The following EIF4G3 variants were observed in gnomAD, a reference collection of about 807,000 sequenced individuals.
The protein encoded by EIF4G3 is eIF-4-gamma 3.
EIF4G3 carries 34 observed loss-of-function variants against 186.4 expected under a neutral mutation model. The ratio of observed to expected loss-of-function variants is 0.18; its 90% CI spans 0.14 to 0.24. EIF4G3 has a LOEUF of 0.24. Among genes scored for constraint, EIF4G3 ranks in the 10% least tolerant of loss-of-function variants. EIF4G3 has a pLI of 1.00. For synonymous variants in EIF4G3, 673 were observed against 679.5 expected (o/e 0.99, Z 0.15); for missense variants, 1,536 against 1,948.5 (o/e 0.79, Z 3.99).
At chr1:21,047,051 T>G (rs549380724) in intron 4 of EIF4G3, among the ~76,000 whole-genome samples, 2 of 152,174 alleles carry the variant, frequency 1.3e-5, no homozygotes, top group South Asian at 4.1e-4. Context: ...TCCCCCTATA[T>G]GACAGATGAA....
rs1332021252 is a variant in EIF4G3 at position 20,892,794 on chromosome 1, G to C, written c.2253+723C>G. On this transcript the variant is annotated intron_variant, in intron 18 of 36. Coordinates refer to ENST00000602326, the MANE Select transcript of EIF4G3 (RefSeq NM_001391906.1). ...GTCATCAGAGATCTCCAGTATTTTAGGACACCTCAAAACAAAACAGGAATC... is the reference window on the plus strand; with the variant it reads ...GTCATCAGAGATCTCCAGTATTTTACGACACCTCAAAACAAAACAGGAATC... 4.4e-6 allele frequency: 5 copies of C among 1,124,388 alleles called. No individual in the cohort carries two copies. The South Asian group carries it at 5.7e-5, about 13-fold the overall frequency. 69.7% of individuals were successfully genotyped at this position (1,124,388 alleles called of 1,614,324 possible). A position where few individuals can be genotyped will look rare whatever the true frequency, so the allele number is the denominator to read the frequency against.
Position 20,951,752 on chromosome 1 carries a change from A to AGGG in EIF4G3, c.715-1644_715-1642dup, listed in dbSNP as rs3835564. 2.0e-4 allele frequency among the ~76,000 whole-genome samples: 30 copies of AGGG among 150,776 alleles called. 1 individual carries two copies. Among genetic ancestry groups the AGGG allele is most frequent in the Non-Finnish European group, 3.4e-4 (23 of 67,696 alleles). On this transcript the variant is annotated intron_variant, in intron 12 of 36. Transcript: ENST00000602326. ...CTGGGAAATTAATAACCAAATAAAA[A>AGGG]GGGGGGGGCAGGGTAAGTGCTAAAA...
intron 12 of EIF4G3, among the ~76,000 whole-genome samples, chr1:20,954,876 G>A (rs1304011860): frequency 6.6e-6 from 1 of 152,204 alleles, no homozygotes; most frequent in Non-Finnish European, 1.5e-5. Flanking sequence ...CTGGGGTTCT[G>A]ACTTTGTGAC....
At chr1:20,900,492 A>G (rs2089910449) in intron 15 of EIF4G3, among the ~76,000 whole-genome samples, 2 of 148,828 alleles carry the variant, frequency 1.3e-5, no homozygotes, top group East Asian at 1.9e-4. Flanking sequence ...GGCTGTGACC[A>G]TATAGAAAAA....
intron 10 of EIF4G3, among the ~76,000 whole-genome samples, chr1:20,974,946 C>T (rs1194306127): frequency 6.6e-6 from 1 of 152,140 alleles, no homozygotes; most frequent in East Asian, 1.9e-4. Context: ...AGCAAACAGT[C>T]AAATAAGGCT....
chr1:20,966,794 G>A (rs940052607), intron 12 of EIF4G3, among the ~76,000 whole-genome samples: 2 of 152,038 alleles, frequency 1.3e-5, no homozygotes, highest in African/African-American at 4.8e-5. Flanking sequence ...CAGAAAATGA[G>A]GTCAAATGTC....
At chr1:21,139,110 T>A (rs1473205943) in intron 2 of EIF4G3, among the ~76,000 whole-genome samples, 1 of 152,162 alleles carries the variant, frequency 6.6e-6, no homozygotes, top group East Asian at 1.9e-4. Flanking sequence ...TCTAAGAAGA[T>A]GTCAAGTACA....
intron 7 of EIF4G3, among the ~76,000 whole-genome samples, chr1:20,987,552 A>G (rs979921935): frequency 2.0e-5 from 3 of 152,080 alleles, no homozygotes; most frequent in African/African-American, 7.2e-5. Context: ...CATTATTATT[A>G]TATCTGTTAT....
intron 30 of EIF4G3, among the ~76,000 whole-genome samples, chr1:20,838,661 A>G (rs2067477646): frequency 6.6e-6 from 1 of 152,152 alleles, no homozygotes; most frequent in South Asian, 2.1e-4. Context: ...ATTCAGAGCA[A>G]TCTAGCTTAT....
At chr1:20,982,015 T>C (rs2078402336) in intron 8 of EIF4G3, among the ~76,000 whole-genome samples, 1 of 152,198 alleles carries the variant, frequency 6.6e-6, no homozygotes, top group Non-Finnish European at 1.5e-5. Context: ...GATCATAAAA[T>C]ATTTACCCAG....
chr1:21,009,568 G>A (rs1353430519), intron 4 of EIF4G3, among the ~76,000 whole-genome samples: 1 of 151,196 alleles, frequency 6.6e-6, no homozygotes, highest in African/African-American at 2.4e-5. Flanking sequence ...CTTAAATCTG[G>A]CCAGAGAAAC....
intron 6 of EIF4G3, among the ~76,000 whole-genome samples, chr1:21,000,982 C>A (rs2083391474): frequency 6.6e-6 from 1 of 152,136 alleles, no homozygotes; most frequent in Admixed American, 6.6e-5. Context: ...TCTAAACCCC[C>A]AAATTCTTCC....
At chr1:20,857,077 G>C (rs1460314437) in intron 25 of EIF4G3, among the ~76,000 whole-genome samples, 2 of 142,880 alleles carry the variant, frequency 1.4e-5, no homozygotes, top group Non-Finnish European at 3.0e-5. Flanking sequence ...GCATGAGAAT[G>C]TTGTGAACTC....
At chr1:21,084,645 T>C (rs1291097200) in intron 3 of EIF4G3, among the ~76,000 whole-genome samples, 6 of 152,182 alleles carry the variant, frequency 3.9e-5, no homozygotes, top group Non-Finnish European at 7.3e-5. Context: ...TAAGACTACA[T>C]TGAGCTCACT....
intron 2 of EIF4G3, among the ~76,000 whole-genome samples, chr1:21,098,759 T>G (rs960556993): frequency 6.6e-5 from 10 of 152,020 alleles, no homozygotes; most frequent in African/African-American, 2.2e-4. Flanking sequence ...TAAGCAACCT[T>G]CCCAGCTCAA....
At chr1:21,145,932 A>AT (rs1379170621) in intron 2 of EIF4G3, among the ~76,000 whole-genome samples, 4 of 151,814 alleles carry the variant, frequency 2.6e-5, no homozygotes, top group Admixed American at 1.3e-4. Flanking sequence ...ACATTTTTAA[A>AT]TTTTTTTTTT....
chr1:20,881,440 T>C (rs865845670), intron 19 of EIF4G3, among the ~76,000 whole-genome samples: 21 of 152,282 alleles, frequency 1.4e-4, no homozygotes, highest in Admixed American at 1.0e-3. Context: ...TTCTTAGATA[T>C]GACAGCAAAA....
intron 4 of EIF4G3, among the ~76,000 whole-genome samples, chr1:21,032,754 CAG>C (rs1362516128): frequency 1.3e-5 from 2 of 151,910 alleles, no homozygotes; most frequent in African/African-American, 2.4e-5. Flanking sequence ...TACAATTCTA[CAG>C]AGTTTATGAA....
At chr1:20,997,761 C>T in intron 6 of EIF4G3, 128 bp from the exon 7 acceptor site, 2 of 684,464 alleles carry the variant, frequency 2.9e-6, no homozygotes, top group Non-Finnish European at 4.9e-6. Context: ...TAAAAAACAA[C>T]ACACAAAACA....
Sources: allele counts gnomAD v4.1 joint callset (sites outside exome capture counted in the v4.1 genomes callset), GRCh38; gene constraint gnomAD v4.1.1; transcripts MANE v1.5; gene names NCBI Gene and HGNC (gene_info 2026-07-23, HGNC 2026-07-21).